The following OOSP3 variants were observed in gnomAD, a reference collection of about 807,000 sequenced individuals.
The protein encoded by OOSP3 is oocyte secreted protein family member 3.
Position 59,895,081 on chromosome 11 carries a change from A to G in OOSP3, c.351-421A>G, listed in dbSNP as rs376715653. Among the ~76,000 whole-genome samples, 16 of 152,258 alleles carry G rather than the reference A, an allele frequency of 1.1e-4. No individual in the cohort carries two copies. In the East Asian group the frequency reaches 1.9e-3, roughly 18 times the overall value. ...TGTTTTCTTAATATACTATGGCCCT[A>G]TGACTTTTGGGGAAATCCCTGAAAC... On this transcript the variant is annotated intron_variant, in intron 3 of 4. Coordinates refer to ENST00000646438, the Ensembl canonical transcript of OOSP3.
chr11:59,883,430 G>A (rs1853221786), intron 2 of OOSP3, among the ~76,000 whole-genome samples: 1 of 152,102 alleles, frequency 6.6e-6, no homozygotes, highest in Admixed American at 6.6e-5. Context: ...AGAAATGCAG[G>A]AATTCTTTTC....
At chr11:59,887,867 C>T (rs182896851) in intron 2 of OOSP3, among the ~76,000 whole-genome samples, 1 of 152,156 alleles carries the variant, frequency 6.6e-6, no homozygotes, top group Non-Finnish European at 1.5e-5. Context: ...GGGAATGGCA[C>T]TGAATCTAGA....
intron 2 of OOSP3, among the ~76,000 whole-genome samples, chr11:59,881,049 T>G (rs548631566): frequency 9.2e-5 from 14 of 152,270 alleles, no homozygotes; most frequent in Non-Finnish European, 1.5e-4. Context: ...TTGTCAAGTT[T>G]TGAGACAGTT....
chr11:59,892,641 G>C (rs1265607964), intron 2 of OOSP3, among the ~76,000 whole-genome samples: 2 of 151,700 alleles, frequency 1.3e-5, no homozygotes, highest in Non-Finnish European at 1.5e-5. Flanking sequence ...ATTATATATA[G>C]GTCTATTCCT....
intron 2 of OOSP3, among the ~76,000 whole-genome samples, chr11:59,885,373 G>A (rs1391306562): frequency 6.6e-6 from 1 of 152,072 alleles, no homozygotes; most frequent in Non-Finnish European, 1.5e-5. Flanking sequence ...TGCAGGATGT[G>A]CAGGTTTGTT....
At chr11:59,880,812 AC>A (rs2134524228) in intron 2 of OOSP3, among the ~76,000 whole-genome samples, 1 of 152,332 alleles carries the variant, frequency 6.6e-6, no homozygotes, top group South Asian at 2.1e-4. Flanking sequence ...CAGGTATGTA[AC>A]TGAAACTTGC....
At chr11:59,892,041 C>T (rs1358155238) in intron 2 of OOSP3, among the ~76,000 whole-genome samples, 3 of 152,178 alleles carry the variant, frequency 2.0e-5, no homozygotes, top group South Asian at 2.1e-4. Context: ...ACTGGAGTTC[C>T]AGGAGCTGCT....
exon 5 of OOSP3, chr11:59,896,215 T>C: frequency 7.5e-6 from 3 of 398,448 alleles, no homozygotes; most frequent in Non-Finnish European, 1.3e-5. Flanking sequence ...ATATTCTAGG[T>C]TCTTCCATGG....
intron 1 of OOSP3, among the ~76,000 whole-genome samples, chr11:59,879,265 G>C (rs917723870): frequency 2.6e-5 from 4 of 152,016 alleles, no homozygotes; most frequent in Non-Finnish European, 4.4e-5. Flanking sequence ...CTCCTAAGTG[G>C]TCATGAGTTA....
intron 1 of OOSP3, among the ~76,000 whole-genome samples, chr11:59,879,401 TC>T (rs1415792176): frequency 2.0e-5 from 3 of 152,186 alleles, no homozygotes; most frequent in Admixed American, 2.0e-4. Flanking sequence ...ACTTACTTTT[TC>T]CATATTTTAC....
chr11:59,885,403 A>G (rs1590873309), intron 2 of OOSP3, among the ~76,000 whole-genome samples: 1 of 152,170 alleles, frequency 6.6e-6, no homozygotes, highest in Non-Finnish European at 1.5e-5. Flanking sequence ...AACATGTGCC[A>G]TGGTGGTTTG....
intron 2 of OOSP3, among the ~76,000 whole-genome samples, chr11:59,892,166 C>T (rs994708703): frequency 2.6e-5 from 4 of 152,298 alleles, no homozygotes; most frequent in African/African-American, 9.6e-5. Context: ...GTGGTGTGGG[C>T]TCATGAAGTA....
intron 2 of OOSP3, among the ~76,000 whole-genome samples, chr11:59,882,122 G>T (rs1853207780): frequency 1.3e-5 from 2 of 152,158 alleles, no homozygotes; most frequent in Admixed American, 1.3e-4. Flanking sequence ...AAAGGCCAAA[G>T]AATTAATAAG....
chr11:59,887,048 G>A (rs1853268567), intron 2 of OOSP3, among the ~76,000 whole-genome samples: 1 of 151,632 alleles, frequency 6.6e-6, no homozygotes, highest in African/African-American at 2.4e-5. Flanking sequence ...GTGTGCCTTG[G>A]CCTCCCAAAG....
At chr11:59,885,225 G>T (rs188958764) in intron 2 of OOSP3, among the ~76,000 whole-genome samples, 1 of 152,220 alleles carries the variant, frequency 6.6e-6, no homozygotes, top group African/African-American at 2.4e-5. Context: ...ATCCCATTTA[G>T]TCATACTGCT....
exon 5 of OOSP3, chr11:59,896,449 G>C: frequency 3.2e-6 from 1 of 313,218 alleles, no homozygotes. Context: ...ATGTGGAGTT[G>C]ATCTTACAAA....
intron 2 of OOSP3, among the ~76,000 whole-genome samples, chr11:59,887,490 G>T (rs1853273626): frequency 6.6e-6 from 1 of 152,138 alleles, no homozygotes; most frequent in Admixed American, 6.5e-5. Context: ...GTAAGGAAGG[G>T]ATCCAGTTTC....
At chr11:59,879,648 C>A (rs1308407029) in intron 1 of OOSP3, among the ~76,000 whole-genome samples, 1 of 151,962 alleles carries the variant, frequency 6.6e-6, no homozygotes, top group Non-Finnish European at 1.5e-5. Context: ...GTTGTAACAC[C>A]ACAGCTGTGA....
chr11:59,891,693 G>A (rs1853314445), intron 2 of OOSP3, among the ~76,000 whole-genome samples: 1 of 152,326 alleles, frequency 6.6e-6, no homozygotes, highest in South Asian at 2.1e-4. Context: ...TGTGTGAGGT[G>A]TCTGGCAACC....
Sources: allele counts gnomAD v4.1 joint callset (sites outside exome capture counted in the v4.1 genomes callset), GRCh38; gene constraint gnomAD v4.1.1; transcripts MANE v1.5; gene names NCBI Gene and HGNC (gene_info 2026-07-23, HGNC 2026-07-21).